The following LHFPL3 variants were observed in gnomAD, a reference collection of about 807,000 sequenced individuals.
LHFPL3 encodes the protein LHFPL tetraspan subfamily member 3 protein.
LHFPL3 carries 5 observed loss-of-function variants against 19.3 expected under a neutral mutation model. That is an observed-to-expected ratio of 0.26 (90% CI 0.14 to 0.54). The LOEUF (loss-of-function observed/expected upper bound fraction) is 0.54. Ranked by LOEUF, LHFPL3 falls within the 20% of genes least tolerant of loss-of-function variation. The probability of loss-of-function intolerance (pLI) is 0.94; values close to 1 mark genes in which losing one functional copy is unlikely to be tolerated. For missense variants in LHFPL3, 249 were observed against 307.4 expected (o/e 0.81, Z 1.42); for synonymous variants, 133 against 126.2 (o/e 1.05, Z -0.36).
At chr7:104,855,979 C>T (rs1791498085) in intron 2 of LHFPL3, among the ~76,000 whole-genome samples, 2 of 152,162 alleles carry the variant, frequency 1.3e-5, no homozygotes, top group Non-Finnish European at 2.9e-5. Context: ...CCCAGAATCT[C>T]CCAACCCCAT....
chr7:104,815,930 G>A (rs1790553791), intron 2 of LHFPL3, among the ~76,000 whole-genome samples: 1 of 152,160 alleles, frequency 6.6e-6, no homozygotes, highest in African/African-American at 2.4e-5. Context: ...ATTCATGCAT[G>A]GAACTGCTTT....
chr7:104,351,731 A>T (rs569101928), intron 1 of LHFPL3, among the ~76,000 whole-genome samples: 1 of 152,244 alleles, frequency 6.6e-6, no homozygotes, highest in Non-Finnish European at 1.5e-5. Flanking sequence ...GTGGCAACAC[A>T]TTGACATTCT....
intron 2 of LHFPL3, among the ~76,000 whole-genome samples, chr7:104,889,021 AAAG>A (rs750957198): frequency 6.6e-6 from 1 of 152,214 alleles, no homozygotes; most frequent in Non-Finnish European, 1.5e-5. Flanking sequence ...AGAAGAAAAA[AAAG>A]AAGTAAAGGT....
At chr7:104,495,201 T>A (rs1185426525) in intron 1 of LHFPL3, among the ~76,000 whole-genome samples, 1 of 152,132 alleles carries the variant, frequency 6.6e-6, no homozygotes, top group Non-Finnish European at 1.5e-5. Flanking sequence ...TTCTTTGGGC[T>A]TTCACAGAAT....
At chr7:104,455,380 C>T (rs1436339273) in intron 1 of LHFPL3, among the ~76,000 whole-genome samples, 1 of 152,076 alleles carries the variant, frequency 6.6e-6, no homozygotes, top group Non-Finnish European at 1.5e-5. Flanking sequence ...GAATCTAAAA[C>T]CTGAGCTATA....
intron 1 of LHFPL3, chr7:104,669,162 G>T (rs62484607): frequency 1.2e-6 from 2 of 1,613,044 alleles, no homozygotes; most frequent in Non-Finnish European, 1.7e-6. Flanking sequence ...TAAAGGTAAT[G>T]CCAGCCCCTC....
chr7:104,770,115 G>A (rs764392624), intron 2 of LHFPL3, among the ~76,000 whole-genome samples: 19 of 152,034 alleles, frequency 1.2e-4, no homozygotes, highest in African/African-American at 1.9e-4. Flanking sequence ...AGCCTGGTAC[G>A]AGATATTCTG....
intron 1 of LHFPL3, among the ~76,000 whole-genome samples, chr7:104,379,647 G>T (rs183342770): frequency 4.6e-5 from 7 of 152,300 alleles, no homozygotes; most frequent in Admixed American, 2.0e-4. Flanking sequence ...TTTTGTAGGT[G>T]CATCAGTCAA....
intron 1 of LHFPL3, among the ~76,000 whole-genome samples, chr7:104,369,287 C>T (rs918901422): frequency 6.6e-6 from 1 of 152,164 alleles, no homozygotes; most frequent in African/African-American, 2.4e-5. Context: ...ACAAATTTAC[C>T]TTTTCTGGAT....
At position 104,742,657 on chromosome 7, in the gene LHFPL3, C is replaced by G. The variant is rs73415651; in HGVS notation, c.682+5746C>G. Among the ~76,000 whole-genome samples, 553 of 152,210 alleles carry G rather than the reference C, an allele frequency of 3.6e-3. 2 individuals carry two copies. The highest frequency in any genetic ancestry group is 0.012 in the African/African-American group (518 of 41,514). On this transcript the variant is annotated intron_variant, in intron 2 of 2. Coordinates refer to ENST00000424859, the MANE Select transcript of LHFPL3 (RefSeq NM_199000.3). ...ATAGTTCCAAAATTAAGCTTCCTGG[C>G]CTGTGAAATGCAGGGCATGACCAAA... is the stretch of plus-strand genomic sequence containing the variant.
intron 1 of LHFPL3, among the ~76,000 whole-genome samples, chr7:104,603,224 C>G (rs1226901672): frequency 2.0e-5 from 3 of 149,820 alleles, no homozygotes; most frequent in Non-Finnish European, 4.4e-5. Flanking sequence ...AAGACATGGT[C>G]TTGCTTTGTT....
At position 104,557,238 on chromosome 7, in the gene LHFPL3, T is replaced by A. The variant is rs139638663; in HGVS notation, c.446-179437T>A. Reference sequence around the variant, plus strand: ...TACTGGTACCAATTTACTGTGTTAGTCATTTTTCACACTGTTGATAAAGAC... The same window carrying A: ...TACTGGTACCAATTTACTGTGTTAGACATTTTTCACACTGTTGATAAAGAC... On this transcript the variant is annotated intron_variant, in intron 1 of 2. Coordinates refer to ENST00000424859, the MANE Select transcript of LHFPL3 (RefSeq NM_199000.3). Among the ~76,000 whole-genome samples the A allele has an allele frequency of 2.6e-3, 402 of 152,300 alleles. 3 individuals are homozygous for A. Among genetic ancestry groups the A allele is most frequent in the African/African-American group, 8.9e-3 (371 of 41,560 alleles).
At chr7:104,429,285 T>C (rs866228132) in intron 1 of LHFPL3, among the ~76,000 whole-genome samples, 2 of 149,540 alleles carry the variant, frequency 1.3e-5, no homozygotes, top group South Asian at 2.1e-4. Flanking sequence ...TATTTCGGAA[T>C]CTACCTATGT....
At chr7:104,520,680 G>C (rs1430037493) in intron 1 of LHFPL3, among the ~76,000 whole-genome samples, 26 of 143,710 alleles carry the variant, frequency 1.8e-4, no homozygotes, top group African/African-American at 6.1e-4. Context: ...TCTTGGAAGG[G>C]TGTATGTGTC....
chr7:104,712,635 T>G (rs1030956829), intron 1 of LHFPL3, among the ~76,000 whole-genome samples: 2 of 152,158 alleles, frequency 1.3e-5, no homozygotes, highest in African/African-American at 4.8e-5. Flanking sequence ...CTCTAGAAGC[T>G]GAAACAGGCA....
chr7:104,379,060 C>G (rs1023006088), intron 1 of LHFPL3, among the ~76,000 whole-genome samples: 2 of 152,180 alleles, frequency 1.3e-5, no homozygotes, highest in African/African-American at 2.4e-5. Flanking sequence ...GGGGACCCAT[C>G]ATATAAGGTG....
intron 1 of LHFPL3, among the ~76,000 whole-genome samples, chr7:104,632,159 C>A (rs971307001): frequency 2.6e-5 from 4 of 152,144 alleles, no homozygotes; most frequent in Admixed American, 2.6e-4. Flanking sequence ...TTTAGCCTAT[C>A]CTTTAAATCA....
intron 1 of LHFPL3, among the ~76,000 whole-genome samples, chr7:104,422,771 T>C (rs1791758940): frequency 6.6e-6 from 1 of 152,244 alleles, no homozygotes; most frequent in African/African-American, 2.4e-5. Context: ...GACTGGAAAC[T>C]AGTACACATT....
chr7:104,510,036 G>T (rs899876689), intron 1 of LHFPL3, among the ~76,000 whole-genome samples: 1 of 152,076 alleles, frequency 6.6e-6, no homozygotes, highest in East Asian at 1.9e-4. Context: ...CCTAAAACAT[G>T]TACAGGACTT....
Sources: allele counts gnomAD v4.1 joint callset (sites outside exome capture counted in the v4.1 genomes callset), GRCh38; gene constraint gnomAD v4.1.1; transcripts MANE v1.5; gene names NCBI Gene and HGNC (gene_info 2026-07-23, HGNC 2026-07-21).